The following ASIC2 variants were observed in gnomAD, a reference collection of about 807,000 sequenced individuals.
ASIC2 encodes the protein acid sensing ion channel subunit 2.
Under a neutral mutation model 57.3 loss-of-function variants are expected in ASIC2, and 25 were observed. That is an observed-to-expected ratio of 0.44 (90% CI 0.32 to 0.61). The LOEUF (loss-of-function observed/expected upper bound fraction) is 0.61. Among genes scored for constraint, ASIC2 ranks in the 20% least tolerant of loss-of-function variants. The pLI, the probability that ASIC2 is intolerant of heterozygous loss-of-function variation, is 0.06. For synonymous variants in ASIC2, 319 were observed against 307.5 expected, an observed-to-expected ratio of 1.04 and a Z score of -0.39; for missense variants, 641 against 738.1, an observed-to-expected ratio of 0.87 and a Z score of 1.52.
intron 1 of ASIC2, among the ~76,000 whole-genome samples, chr17:33,277,086 A>G (rs1351193793): frequency 6.6e-6 from 1 of 152,188 alleles, no homozygotes; most frequent in Non-Finnish European, 1.5e-5. Context: ...GCATTTTTGC[A>G]ATATTCCCAG....
chr17:33,475,132 ACT>A (rs944656959), intron 1 of ASIC2, among the ~76,000 whole-genome samples: 96 of 151,958 alleles, frequency 6.3e-4, no homozygotes, highest in African/African-American at 2.2e-3. Context: ...AGCCTGAGAC[ACT>A]CTTTCCCCTC....
chr17:33,329,256 C>T (rs891906623), intron 1 of ASIC2, among the ~76,000 whole-genome samples: 10 of 152,122 alleles, frequency 6.6e-5, no homozygotes, highest in Non-Finnish European at 1.5e-4. Flanking sequence ...TATTAGGGTT[C>T]ACTTTGAAGG....
intron 1 of ASIC2, among the ~76,000 whole-genome samples, chr17:33,664,724 G>T (rs1907414186): frequency 6.6e-6 from 1 of 152,172 alleles, no homozygotes; most frequent in African/African-American, 2.4e-5. Context: ...CATTGTGATG[G>T]ACTCAGTTCA....
chr17:33,021,395 A>C, intron 6 of ASIC2, 85 bp from the exon 7 acceptor site: 1 of 1,162,982 alleles, frequency 8.6e-7, no homozygotes, highest in Non-Finnish European at 1.2e-6. Context: ...CCATGGAAAG[A>C]TGGAGAAAAG....
chr17:34,156,638 G>A lies in ASIC2; in HGVS notation c.-106C>T, dbSNP rs1904735384. ...AACCTTGACGTTCAGGGGAGAGAAC[G>A]CAAGGCAAGCATCGCGCCAGATGCT... On this transcript the variant is annotated 5_prime_UTR_variant, in exon 1 of 10. Transcript: ENST00000359872. The surrounding 1 kb of genome is among the most constrained non-coding windows in gnomAD (Gnocchi z 4.4). The A allele has an allele frequency of 4.2e-6, 5 of 1,201,104 alleles. No individual in the cohort carries two copies. The highest frequency in any genetic ancestry group is 1.6e-5 in the South Asian group (1 of 63,172). 74.4% of individuals were successfully genotyped at this position (1,201,104 alleles called of 1,614,324 possible).
At chr17:33,397,506 G>A (rs971222790) in intron 1 of ASIC2, among the ~76,000 whole-genome samples, 1 of 152,208 alleles carries the variant, frequency 6.6e-6, no homozygotes, top group South Asian at 2.1e-4. Flanking sequence ...GGGATGGTCT[G>A]AAGACAAGAG....
chr17:33,255,772 G>A (rs750962547), intron 1 of ASIC2, among the ~76,000 whole-genome samples: 18 of 152,230 alleles, frequency 1.2e-4, no homozygotes, highest in Non-Finnish European at 2.1e-4. Context: ...AATAATATAA[G>A]ATTTCAGGCA....
At chr17:33,975,652 G>T (rs185701501) in intron 1 of ASIC2, among the ~76,000 whole-genome samples, 3 of 152,158 alleles carry the variant, frequency 2.0e-5, no homozygotes, top group African/African-American at 4.8e-5. Context: ...GTTTGACTCG[G>T]CTGGAGACCT....
At chr17:34,147,933 G>A (rs1308289623) in intron 1 of ASIC2, among the ~76,000 whole-genome samples, 2 of 152,198 alleles carry the variant, frequency 1.3e-5, no homozygotes, top group Non-Finnish European at 2.9e-5. Flanking sequence ...TACCAATTCG[G>A]TCTTTGGGAG....
chr17:33,486,559 T>C (rs546652235), intron 1 of ASIC2, among the ~76,000 whole-genome samples: 2 of 152,308 alleles, frequency 1.3e-5, no homozygotes, highest in East Asian at 1.9e-4. Context: ...TCAGTGCTTG[T>C]TGGGGATTCC....
intron 1 of ASIC2, among the ~76,000 whole-genome samples, chr17:33,963,800 A>G (rs1904996388): frequency 6.6e-6 from 1 of 152,182 alleles, no homozygotes; most frequent in South Asian, 2.1e-4. Context: ...GACTGAGGTG[A>G]CTGACTTTCA....
chr17:34,148,857 T>G (rs983462177), intron 1 of ASIC2, among the ~76,000 whole-genome samples: 1 of 152,164 alleles, frequency 6.6e-6, no homozygotes, highest in African/African-American at 2.4e-5. Context: ...AGGAATCTCC[T>G]AATGACCTCA....
intron 1 of ASIC2, among the ~76,000 whole-genome samples, chr17:33,961,864 T>G (rs1904934536): frequency 6.6e-6 from 1 of 152,142 alleles, no homozygotes; most frequent in Non-Finnish European, 1.5e-5. Flanking sequence ...CCATCTCCAC[T>G]TTCCAAACTG....
At chr17:34,081,529 G>A (rs941508679) in intron 1 of ASIC2, among the ~76,000 whole-genome samples, 4 of 152,114 alleles carry the variant, frequency 2.6e-5, no homozygotes, top group African/African-American at 9.7e-5. Flanking sequence ...CAATATTATT[G>A]GGCCCTTGGG....
At chr17:33,227,412 C>T (rs1363751871) in intron 1 of ASIC2, among the ~76,000 whole-genome samples, 1 of 152,148 alleles carries the variant, frequency 6.6e-6, no homozygotes, top group Non-Finnish European at 1.5e-5. Flanking sequence ...GTGCTCTCCC[C>T]TTCAGCTTGG....
At chr17:33,712,577 C>A (rs1909074345) in intron 1 of ASIC2, among the ~76,000 whole-genome samples, 1 of 147,044 alleles carries the variant, frequency 6.8e-6, no homozygotes. Flanking sequence ...GAACTGTAGT[C>A]ATCTCAAGGC....
chr17:33,462,306 C>T (rs1912665582), intron 1 of ASIC2, among the ~76,000 whole-genome samples: 1 of 152,202 alleles, frequency 6.6e-6, no homozygotes, highest in South Asian at 2.1e-4. Flanking sequence ...TCTTTTACAT[C>T]TAGATGTAGC....
chr17:33,147,428 AC>A (rs1157246242), intron 1 of ASIC2, among the ~76,000 whole-genome samples: 1 of 152,238 alleles, frequency 6.6e-6, no homozygotes, highest in Non-Finnish European at 1.5e-5. Flanking sequence ...GTCTAGAAAG[AC>A]AGGTGGGCTG....
chr17:33,457,137 T>C (rs966149350), intron 1 of ASIC2, among the ~76,000 whole-genome samples: 2 of 152,214 alleles, frequency 1.3e-5, no homozygotes, highest in African/African-American at 2.4e-5. Context: ...TATAAAGTAC[T>C]TAGCACAGTG....
Sources: gnomAD v4.1 joint callset for allele counts (sites outside exome capture counted in the v4.1 genomes callset) on GRCh38, gnomAD v4.1.1 for gene constraint, Gnocchi (gnomAD v3.1) non-coding constraint, MANE v1.5 for transcripts, NCBI Gene and HGNC (gene_info 2026-07-23, HGNC 2026-07-21) for gene names.